The following MAMLD1 variants were observed in gnomAD, a reference collection of about 807,000 sequenced individuals.
The protein encoded by MAMLD1 is mastermind-like domain-containing protein 1.
A neutral mutation model predicts 45.0 loss-of-function variants in MAMLD1; 14 were observed. That is an observed-to-expected ratio of 0.31 (90% confidence interval 0.21 to 0.49). The LOEUF (loss-of-function observed/expected upper bound fraction) is 0.49, where lower values mean the gene tolerates loss of function less well. MAMLD1 is among the 20% of genes least tolerant of loss of function. The probability of loss-of-function intolerance (pLI) is 0.99; values close to 1 mark genes in which losing one functional copy is unlikely to be tolerated. For missense variants in MAMLD1, 543 were observed against 603.6 expected (o/e 0.90, Z 1.05); for synonymous variants, 254 against 247.8 (o/e 1.02, Z -0.24).
intron 1 of MAMLD1, among the ~76,000 whole-genome samples, chrX:150,438,770 A>G (rs781794452): frequency 8.9e-6 from 1 of 112,654 alleles, no homozygotes; most frequent in Non-Finnish European, 1.9e-5. Context: ...ATTGATGTAC[A>G]TTCGGTATGT....
intron 5 of MAMLD1, among the ~76,000 whole-genome samples, chrX:150,486,085 A>G (rs1046680885): frequency 1.8e-5 from 2 of 111,997 alleles, no homozygotes; most frequent in Admixed American, 1.9e-4. Flanking sequence ...TGAAAGTTAA[A>G]GTCCAGCGGT....
In MAMLD1 at chrX:150,513,920, G is replaced by T; in HGVS notation, c.*1961G>T. 3.4e-6 allele frequency: 1 copy of T among 297,139 alleles called. No homozygotes were observed. Among genetic ancestry groups the T allele is most frequent in the South Asian group, 2.0e-4 (1 of 4,911 alleles). The allele number at this position is 297,139 out of a possible 1,213,427, so 24.5% of individuals were successfully genotyped here. A position where few individuals can be genotyped will look rare whatever the true frequency, so the allele number is the denominator to read the frequency against. Reference sequence around the variant, plus strand: ...ATGTAAGGCTCTGTGGTTTGGGGGGGAACATCTGTAAACATTATTAGTTGA... The same window carrying T: ...ATGTAAGGCTCTGTGGTTTGGGGGGTAACATCTGTAAACATTATTAGTTGA... On this transcript the variant is annotated 3_prime_UTR_variant, in exon 8 of 8. Coordinates refer to ENST00000370401, the MANE Select transcript of MAMLD1 (RefSeq NM_005491.5).
chrX:150,403,984 GAAA>G (rs2033923879), intron 1 of MAMLD1, among the ~76,000 whole-genome samples: 1 of 91,320 alleles, frequency 1.1e-5, no homozygotes, highest in African/African-American at 4.0e-5. Context: ...AAGAAAGAAA[GAAA>G]GAAAGAAAGA....
intron 1 of MAMLD1, among the ~76,000 whole-genome samples, chrX:150,432,094 T>C (rs1025994033): frequency 1.8e-5 from 2 of 111,432 alleles, no homozygotes; most frequent in Non-Finnish European, 3.8e-5. Context: ...TGTTTTTTTT[T>C]TATGTTTTAG....
intron 6 of MAMLD1, chrX:150,504,995 C>T (rs1603034695): frequency 1.3e-6 from 1 of 754,046 alleles, no homozygotes. Context: ...GGATCATTCC[C>T]AGCATCTAAA....
At chrX:150,380,419 G>A (rs2032545102) in intron 1 of MAMLD1, among the ~76,000 whole-genome samples, 2 of 110,276 alleles carry the variant, frequency 1.8e-5, no homozygotes, top group Non-Finnish European at 1.9e-5. Flanking sequence ...TCTGTGTTAG[G>A]TATATTAGCT....
At chrX:150,443,630 C>A (rs2035396869) in intron 1 of MAMLD1, among the ~76,000 whole-genome samples, 1 of 95,331 alleles carries the variant, frequency 1.0e-5, no homozygotes, top group African/African-American at 3.9e-5. Flanking sequence ...ATTCTTTCCT[C>A]TGTTCTTACC....
chrX:150,470,982 A>G lies in MAMLD1; in HGVS notation c.1409A>G (p.Gln470Arg). Residue 470 changes from glutamine to arginine, a missense_variant, in exon 4 of 8, where the codon CAG becomes CGG. Physicochemically the swap from Gln to Arg is conservative, Grantham distance 43 (BLOSUM62 1). Transcript: ENST00000370401. ...PEKLSSPGLP[Q>R]QSFTPQCSLI... ...AAGCTCTCTAGCCCAGGCTTGCCACAGCAGTCCTTCACCCCACAGTGTTCC... is the reference window on the plus strand; with the variant it reads ...AAGCTCTCTAGCCCAGGCTTGCCACGGCAGTCCTTCACCCCACAGTGTTCC... 1 of 1,211,877 alleles carries G rather than the reference A, an allele frequency of 8.3e-7. No individual in the cohort carries two copies. The highest frequency in any genetic ancestry group is 1.1e-6 in the Non-Finnish European group (1 of 895,551).
intron 5 of MAMLD1, among the ~76,000 whole-genome samples, chrX:150,495,189 G>C (rs1486346679): frequency 1.0e-5 from 1 of 97,125 alleles, no homozygotes; most frequent in Admixed American, 1.2e-4. Flanking sequence ...CTGGGCGACA[G>C]AGTGAGATTC....
intron 1 of MAMLD1, among the ~76,000 whole-genome samples, chrX:150,383,453 A>G (rs1429967653): frequency 1.8e-5 from 2 of 111,241 alleles, no homozygotes; most frequent in African/African-American, 6.5e-5. Flanking sequence ...TTTAAGTTCC[A>G]GGATACATGC....
chrX:150,447,444 C>T (rs186078570), intron 2 of MAMLD1, among the ~76,000 whole-genome samples: 7 of 112,158 alleles, frequency 6.2e-5, no homozygotes. Context: ...AGATGGTCTT[C>T]TTCACAGTTG....
chrX:150,384,016 T>C (rs1271179761), intron 1 of MAMLD1, among the ~76,000 whole-genome samples: 1 of 111,952 alleles, frequency 8.9e-6, no homozygotes, highest in Non-Finnish European at 1.9e-5. Flanking sequence ...ATTCATCAGT[T>C]GATAGAAATT....
chrX:150,384,347 C>T (rs2124481930), intron 1 of MAMLD1, among the ~76,000 whole-genome samples: 1 of 112,040 alleles, frequency 8.9e-6, no homozygotes, highest in East Asian at 2.8e-4. Context: ...TTGTGATTTG[C>T]ATTTCCCTGT....
intron 5 of MAMLD1, among the ~76,000 whole-genome samples, chrX:150,478,463 G>A (rs1291825188): frequency 1.8e-5 from 2 of 112,528 alleles, no homozygotes; most frequent in African/African-American, 6.5e-5. Flanking sequence ...TTCCTCTCTC[G>A]TTTTGAGAGT....
Position 150,378,841 on chromosome X carries a change from C to T in MAMLD1, c.-64+15311C>T, listed in dbSNP as rs150549971. Reference sequence around the variant, plus strand: ...TTTCTGACATGCCCCTAATCATCCTCTGAGCGCGCCCTTAATTTCTGGCAC... The same window carrying T: ...TTTCTGACATGCCCCTAATCATCCTTTGAGCGCGCCCTTAATTTCTGGCAC... On this transcript the variant is annotated intron_variant, in intron 1 of 7. Transcript: ENST00000370401. 3.0e-4 allele frequency among the ~76,000 whole-genome samples: 34 copies of T among 111,486 alleles called. No individual in the cohort carries two copies. In the East Asian group the frequency reaches 7.6e-3, roughly 25 times the overall value.
intron 2 of MAMLD1, among the ~76,000 whole-genome samples, chrX:150,461,328 T>C (rs1557405608): frequency 8.9e-6 from 1 of 112,797 alleles, no homozygotes; most frequent in Non-Finnish European, 1.9e-5. Context: ...GATGATGGGA[T>C]TAGACAGCCC....
At chrX:150,443,333 CTA>C in intron 1 of MAMLD1, among the ~76,000 whole-genome samples, 1 of 105,442 alleles carries the variant, frequency 9.5e-6, no homozygotes, top group East Asian at 3.0e-4. Context: ...GTCCCTGAGT[CTA>C]TGTTTACTTT....
In MAMLD1 at chrX:150,406,286, A is replaced by G. The variant is rs180868031; in HGVS notation, c.-63-39168A>G. ...AGGGTAAAAGCCTCACCCCCATCAC[A>G]TAGCAGGTAATGGAAGAGCTGGGAA... On this transcript the variant is annotated intron_variant, in intron 1 of 7. Transcript: ENST00000370401. 3.6e-3 allele frequency among the ~76,000 whole-genome samples: 399 copies of G among 110,077 alleles called. 2 individuals are homozygous for G. The highest frequency in any genetic ancestry group is 4.8e-3 in the Non-Finnish European group (251 of 52,635).
At chrX:150,406,989 A>G (rs2034014469) in intron 1 of MAMLD1, among the ~76,000 whole-genome samples, 2 of 110,893 alleles carry the variant, frequency 1.8e-5, no homozygotes, top group African/African-American at 3.3e-5. Flanking sequence ...CCGGAACTCA[A>G]ACATAAAGCT....
Sources: gnomAD v4.1 joint callset for allele counts (sites outside exome capture counted in the v4.1 genomes callset) on GRCh38, gnomAD v4.1.1 for gene constraint, MANE v1.5 for transcripts, NCBI Gene and HGNC (gene_info 2026-07-23, HGNC 2026-07-21) for gene names.